TP53BP1: variants seen among roughly 807,000 people sequenced by gnomAD.
TP53BP1 encodes TP53-binding protein 1.
Under a neutral mutation model 200.8 loss-of-function variants are expected in TP53BP1, and 61 were observed. That is an observed-to-expected ratio of 0.30 (90% CI 0.25 to 0.38). The LOEUF (loss-of-function observed/expected upper bound fraction) is 0.38, where lower values mean the gene tolerates loss of function less well. Among genes scored for constraint, TP53BP1 ranks in the 10% least tolerant of loss-of-function variants. The pLI is 1.00. For synonymous variants in TP53BP1, 822 were observed against 844.3 expected (o/e 0.97, Z 0.46); for missense variants, 2,144 against 2,371.9 (o/e 0.90, Z 2.00).
At chr15:43,423,657 CA>C (rs34954998) in intron 18 of TP53BP1, among the ~76,000 whole-genome samples, 13,781 of 110,088 alleles carry the variant, frequency 0.13, 1,625 homozygotes, top group African/African-American at 0.33. Flanking sequence ...GACTCCACCT[CA>C]AAAAAAAAAA....
intron 12 of TP53BP1, among the ~76,000 whole-genome samples, chr15:43,452,987 G>A (rs1005096647): frequency 1.3e-5 from 2 of 152,174 alleles, no homozygotes; most frequent in Non-Finnish European, 1.5e-5. Context: ...GAGGTCAGGA[G>A]ATCGAGACCA....
At position 43,432,605 on chromosome 15, in the gene TP53BP1, G is replaced by T; in HGVS notation, c.3264C>A (p.Ile1088=). The T allele has an allele frequency of 1.2e-6, 2 of 1,613,858 alleles. No homozygotes were observed. The highest frequency in any genetic ancestry group is 1.7e-6 in the Non-Finnish European group (2 of 1,179,780). The change falls in exon 17 of 28, where the codon ATC becomes ATA. Residue 1088 remains isoleucine (I), a synonymous_variant. Coordinates refer to ENST00000382044, the MANE Select transcript of TP53BP1 (RefSeq NM_001141980.3). ...EKEKLEGDHT[I]RQSQQPMKPI... ...GCTTCATAGGCTGTTGACTCTGCCT[G>T]ATTGTATGGTCACCCTCCAATTTTT... is the stretch of plus-strand genomic sequence containing the variant.
At chr15:43,447,756 G>C (rs886789347) in intron 12 of TP53BP1, among the ~76,000 whole-genome samples, 5 of 152,040 alleles carry the variant, frequency 3.3e-5, no homozygotes, top group Admixed American at 1.3e-4. Flanking sequence ...CCCGAAGTCT[G>C]CAAGACCTGA....
Position 43,432,450 on chromosome 15 carries a change from T to A in TP53BP1, c.3419A>T (p.Asn1140Ile). 6.2e-7 allele frequency: 1 copy of A among 1,614,224 alleles called. No individual in the cohort carries two copies. Among genetic ancestry groups the A allele is most frequent in the South Asian group, 1.1e-5 (1 of 91,086 alleles). Residue 1140 changes from asparagine (N) to isoleucine (I), a missense_variant, in exon 17 of 28, where the codon AAT becomes ATT. This residue lies in a region of TP53BP1 where 1,700 missense variants were observed against 1,710.3 expected (regional missense o/e 0.99). Transcript: ENST00000382044. The part of the protein sequence containing the change: ...LEDQKEGRST[N>I]KENPSKALIE... Reference sequence around the variant, plus strand: ...CAAGGCCTTACTAGGATTTTCCTTATTAGTACTCCGTCCTTCTTTCTGGTC... The same window carrying A: ...CAAGGCCTTACTAGGATTTTCCTTAATAGTACTCCGTCCTTCTTTCTGGTC...
chr15:43,493,683 C>T (rs957414855), upstream of TP53BP1, among the ~76,000 whole-genome samples: 5 of 152,194 alleles, frequency 3.3e-5, no homozygotes, highest in Non-Finnish European at 7.3e-5. Context: ...AAGGGCCTGA[C>T]ATTACATCTC....
intron 1 of TP53BP1, among the ~76,000 whole-genome samples, chr15:43,504,749 G>C (rs974409851): frequency 1.3e-5 from 2 of 152,188 alleles, no homozygotes; most frequent in Non-Finnish European, 2.9e-5. Context: ...GCCAGGCACG[G>C]TGTCTCACTC....
In TP53BP1 at chr15:43,493,071, CTAGAGG is replaced by C. The variant is rs1566969576; in HGVS notation, c.-34_-29del. Reference sequence around the variant, plus strand: ...CGGCGGGAGGTCCCTCGCGCTCGAGCTAGAGGTCTCTGCACGCTCCCCAAGTCCCTC... The same window carrying C: ...CGGCGGGAGGTCCCTCGCGCTCGAGCTCTCTGCACGCTCCCCAAGTCCCTC... On this transcript the variant is annotated 5_prime_UTR_variant, in exon 1 of 28. Transcript: ENST00000382044. 2 of 1,612,568 alleles carry C rather than the reference CTAGAGG, an allele frequency of 1.2e-6. No individual in the cohort carries two copies. Among genetic ancestry groups the C allele is most frequent in the South Asian group, 2.2e-5 (2 of 90,866 alleles).
intron 14 of TP53BP1, among the ~76,000 whole-genome samples, chr15:43,442,388 C>T (rs1227147747): frequency 6.6e-6 from 1 of 152,036 alleles, no homozygotes; most frequent in Admixed American, 6.6e-5. Context: ...GCCCGGCTGG[C>T]TATTTCTTGT....
At chr15:43,420,243 T>TA in intron 21 of TP53BP1, 62 bp downstream of exon 21, 4 of 1,463,694 alleles carry the variant, frequency 2.7e-6, no homozygotes, top group Non-Finnish European at 2.8e-6. Context: ...ACTACTAACA[T>TA]AACAGAGTAT....
Position 43,457,221 on chromosome 15 carries a change from A to C in TP53BP1, c.1390-3T>G. Reference sequence around the variant, plus strand: ...CTTGGGGAAGGAATAAAAATGTCCTAAGGAAGAACAGAAAGAGACAAATTG... The same window carrying C: ...CTTGGGGAAGGAATAAAAATGTCCTCAGGAAGAACAGAAAGAGACAAATTG... On this transcript the variant is annotated splice_polypyrimidine_tract_variant and splice_region_variant and intron_variant, in intron 11 of 27. Transcript: ENST00000382044. 1 of 1,586,174 alleles carries C rather than the reference A, an allele frequency of 6.3e-7. No individual in the cohort carries two copies. Among genetic ancestry groups the C allele is most frequent in the Middle Eastern group, 1.8e-4 (1 of 5,702 alleles).
chr15:43,413,577 G>A (rs2045185956), intron 23 of TP53BP1, among the ~76,000 whole-genome samples: 1 of 152,134 alleles, frequency 6.6e-6, no homozygotes, highest in Non-Finnish European at 1.5e-5. Flanking sequence ...TCATGATAAT[G>A]TATACAGTGT....
chr15:43,451,576 G>C (rs1361098329), intron 12 of TP53BP1, among the ~76,000 whole-genome samples: 1 of 152,120 alleles, frequency 6.6e-6, no homozygotes, highest in Non-Finnish European at 1.5e-5. Flanking sequence ...TCTTAATCCA[G>C]TCTATCATTG....
chr15:43,474,392 C>T (rs1276619025), intron 10 of TP53BP1, among the ~76,000 whole-genome samples: 3 of 148,520 alleles, frequency 2.0e-5, no homozygotes, highest in South Asian at 2.1e-4. Context: ...GCAGAGGAGG[C>T]GCCGAGAGCG....
intron 4 of TP53BP1, among the ~76,000 whole-genome samples, chr15:43,486,693 G>A (rs1469898306): frequency 2.6e-5 from 4 of 151,770 alleles, no homozygotes; most frequent in South Asian, 2.1e-4. Flanking sequence ...GTGCAATCAC[G>A]GCTCGCTGCA....
In TP53BP1 at chr15:43,493,110, A is replaced by T; in HGVS notation, c.-67T>A. 2 of 1,602,592 alleles carry T rather than the reference A, an allele frequency of 1.2e-6. No individual in the cohort carries two copies. Among genetic ancestry groups the T allele is most frequent in the South Asian group, 2.2e-5 (2 of 89,874 alleles). On this transcript the variant is annotated 5_prime_UTR_variant, in exon 1 of 28. Coordinates refer to ENST00000382044, the MANE Select transcript of TP53BP1 (RefSeq NM_001141980.3). ...ACGCTCCCCAAGTCCCTCCAGATCG[A>T]TCCCTAGGTCGCCGCTGTCGCCACC...
Position 43,475,806 on chromosome 15 carries a change from C to T in TP53BP1, c.956-112G>A, listed in dbSNP as rs45589938. On this transcript the variant is annotated intron_variant, in intron 8 of 27. Transcript: ENST00000382044. ...ATATTTCCAACATATTTCCATATTT[C>T]CAAAAGGGCAGAAATTGTTTTCTAA... 1.3e-3 allele frequency: 1,752 copies of T among 1,307,244 alleles called. 27 individuals are homozygous for T. In the African/African-American group the frequency reaches 0.023, roughly 17 times the overall value. 81.0% of individuals were successfully genotyped at this position (1,307,244 alleles called of 1,614,324 possible).
chr15:43,480,843 T>C (rs1054918995), intron 5 of TP53BP1, 52 bp downstream of exon 5: 4 of 1,599,368 alleles, frequency 2.5e-6, no homozygotes, highest in Non-Finnish European at 3.4e-6. Flanking sequence ...TGCACAATCA[T>C]GTTAAAGGGA....
chr15:43,418,681 A>C (rs1042770140), intron 21 of TP53BP1, among the ~76,000 whole-genome samples: 4 of 152,084 alleles, frequency 2.6e-5, no homozygotes, highest in African/African-American at 9.7e-5. Context: ...TGAAACAATA[A>C]CAACAAGCAT....
chr15:43,429,305 T>A (rs1045949756), intron 17 of TP53BP1, among the ~76,000 whole-genome samples: 1 of 152,182 alleles, frequency 6.6e-6, no homozygotes, highest in African/African-American at 2.4e-5. Flanking sequence ...GTGCTAGAAT[T>A]TCAGTCCTGC....
Sources: allele counts gnomAD v4.1 joint callset (sites outside exome capture counted in the v4.1 genomes callset), GRCh38; gene constraint gnomAD v4.1.1; regional missense constraint gnomAD v4.1.1; transcripts MANE v1.5; gene names NCBI Gene and HGNC (gene_info 2026-07-23, HGNC 2026-07-21).